The following RAB7A variants were observed in gnomAD, a reference collection of about 807,000 sequenced individuals.
RAB7A encodes ras-related protein Rab-7a.
RAB7A carries 2 observed loss-of-function variants against 24.5 expected under a neutral mutation model. That is an observed-to-expected ratio of 0.08 (90% CI 0.03 to 0.26). RAB7A has a LOEUF of 0.26. RAB7A is among the 10% of genes least tolerant of loss of function. RAB7A has a pLI of 1.00. For synonymous variants in RAB7A, 100 were observed against 95.9 expected (o/e 1.04, Z -0.25); for missense variants, 118 against 255.7 (o/e 0.46, Z 3.67).
chr3:128,762,381 T>C (rs964654088), intron 1 of RAB7A, among the ~76,000 whole-genome samples: 4 of 152,234 alleles, frequency 2.6e-5, no homozygotes, highest in Non-Finnish European at 5.9e-5. Flanking sequence ...GTTTAAGCTC[T>C]CTTCTCCCAA....
At chr3:128,751,558 C>T (rs1404558079) in intron 1 of RAB7A, among the ~76,000 whole-genome samples, 2 of 152,190 alleles carry the variant, frequency 1.3e-5, no homozygotes, top group African/African-American at 4.8e-5. Flanking sequence ...TTACCCAATG[C>T]CTTTACCTCC....
chr3:128,765,247 A>G lies in RAB7A; in HGVS notation c.-8-30113A>G, dbSNP rs111615214. Reference sequence around the variant, plus strand: ...TACCCACAACTTTCTCACTGTGCCAAAATCAGTGCCTGTCCAGTACCCTCG... The same window carrying G: ...TACCCACAACTTTCTCACTGTGCCAGAATCAGTGCCTGTCCAGTACCCTCG... On this transcript the variant is annotated intron_variant, in intron 1 of 5. Coordinates refer to ENST00000265062, the MANE Select transcript of RAB7A (RefSeq NM_004637.6). Among the ~76,000 whole-genome samples, 446 of 152,216 alleles carry G rather than the reference A, an allele frequency of 2.9e-3. 3 individuals are homozygous for G. The highest frequency in any genetic ancestry group is 1.0e-2 in the South Asian group (48 of 4,824).
intron 1 of RAB7A, among the ~76,000 whole-genome samples, chr3:128,766,786 C>T (rs1199131006): frequency 1.3e-5 from 2 of 152,064 alleles, no homozygotes; most frequent in African/African-American, 4.8e-5. Context: ...GCAATCCACC[C>T]ACCTCAGCCT....
At chr3:128,734,251 G>A (rs868190297) in intron 1 of RAB7A, among the ~76,000 whole-genome samples, 3 of 152,006 alleles carry the variant, frequency 2.0e-5, no homozygotes, top group East Asian at 1.9e-4. Context: ...CCAACATAGC[G>A]AAACCCTGTG....
chr3:128,800,453 G>T (rs1367324506), intron 3 of RAB7A, among the ~76,000 whole-genome samples: 1 of 152,156 alleles, frequency 6.6e-6, no homozygotes, highest in Non-Finnish European at 1.5e-5. Flanking sequence ...AGTCCCGTCT[G>T]TACTACTAAG....
At chr3:128,791,946 T>G (rs1933462688) in intron 1 of RAB7A, among the ~76,000 whole-genome samples, 1 of 152,202 alleles carries the variant, frequency 6.6e-6, no homozygotes, top group Non-Finnish European at 1.5e-5. Flanking sequence ...TGGCCTGTGA[T>G]AATCTTACGA....
chr3:128,812,545 G>T (rs1933949580), intron 5 of RAB7A, among the ~76,000 whole-genome samples: 1 of 152,134 alleles, frequency 6.6e-6, no homozygotes, highest in Admixed American at 6.5e-5. Context: ...CCAAATTCTA[G>T]AACAGTCACT....
At chr3:128,743,324 G>A (rs564707555) in intron 1 of RAB7A, among the ~76,000 whole-genome samples, 9 of 152,342 alleles carry the variant, frequency 5.9e-5, no homozygotes, top group Admixed American at 4.6e-4. Flanking sequence ...CTCCCTGCAA[G>A]CAGAGGGAGC....
rs1368202327 is a variant in RAB7A, at chr3:128,814,750, C to T, written c.*1328C>T. 6.6e-6 allele frequency: 1 copy of T among 152,646 alleles called. No homozygotes were observed. Among genetic ancestry groups the T allele is most frequent in the Non-Finnish European group, 1.5e-5 (1 of 68,054 alleles). The allele number at this position is 152,646 out of a possible 1,614,324, so 9.5% of individuals were successfully genotyped here. ...ATTCTAGGGTGTGGGCTGAGTTCTTCTGTAAAGAGATGAACGCAATGCCAA... is the reference window on the plus strand; with the variant it reads ...ATTCTAGGGTGTGGGCTGAGTTCTTTTGTAAAGAGATGAACGCAATGCCAA... On this transcript the variant is annotated 3_prime_UTR_variant, in exon 6 of 6. Coordinates refer to ENST00000265062, the MANE Select transcript of RAB7A (RefSeq NM_004637.6).
At position 128,783,529 on chromosome 3, in the gene RAB7A, G is replaced by A. The variant is rs116912037; in HGVS notation, c.-8-11831G>A. ...GCCGTGTGGTGGCTGGGAACGAGGT[G>A]TATTCTGGAGAAGGACTGTAAGGGT... is the stretch of plus-strand genomic sequence containing the variant. On this transcript the variant is annotated intron_variant, in intron 1 of 5. Transcript: ENST00000265062. 3.4e-4 allele frequency among the ~76,000 whole-genome samples: 51 copies of A among 152,202 alleles called. 1 individual carries two copies. In the East Asian group the frequency reaches 8.3e-3, roughly 25 times the overall value.
At chr3:128,787,785 A>C (rs774390400) in intron 1 of RAB7A, among the ~76,000 whole-genome samples, 7 of 152,224 alleles carry the variant, frequency 4.6e-5, no homozygotes, top group Admixed American at 3.3e-4. Flanking sequence ...ATCATAGCTC[A>C]CTGGAGCCTT....
chr3:128,808,663 TA>T (rs1933854900), intron 5 of RAB7A, among the ~76,000 whole-genome samples: 1 of 152,164 alleles, frequency 6.6e-6, no homozygotes, highest in African/African-American at 2.4e-5. Flanking sequence ...ACAGCTCTGT[TA>T]GGGGCAGTGG....
chr3:128,737,825 GTTTTTTTTTTTTTTTTT>G (rs56027163), intron 1 of RAB7A, among the ~76,000 whole-genome samples: 844 of 59,522 alleles, frequency 0.014, 14 homozygotes, highest in Non-Finnish European at 0.02. Flanking sequence ...TTTTTTTGTA[GTTTTTTTTTTTTTTTTT>G]TTTTTTTTTT....
intron 1 of RAB7A, among the ~76,000 whole-genome samples, chr3:128,758,746 A>G (rs1424850479): frequency 1.3e-5 from 2 of 152,172 alleles, no homozygotes; most frequent in Non-Finnish European, 2.9e-5. Flanking sequence ...GAGTATATCA[A>G]TGATATTCTG....
chr3:128,792,367 A>C (rs148877885), intron 1 of RAB7A, among the ~76,000 whole-genome samples: 2 of 152,228 alleles, frequency 1.3e-5, no homozygotes, highest in African/African-American at 4.8e-5. Context: ...ATATTCTCCA[A>C]ATATCTTTGC....
chr3:128,749,869 C>T (rs2070659007), intron 1 of RAB7A, among the ~76,000 whole-genome samples: 1 of 152,166 alleles, frequency 6.6e-6, no homozygotes, highest in African/African-American at 2.4e-5. Context: ...TCTTTATCAG[C>T]AGCATGAAAA....
intron 1 of RAB7A, among the ~76,000 whole-genome samples, chr3:128,740,740 TAA>T (rs759890070): frequency 3.7e-5 from 5 of 135,534 alleles, no homozygotes; most frequent in Non-Finnish European, 3.2e-5. Flanking sequence ...TACAAAAAGT[TAA>T]AAAAAAAAAA....
chr3:128,784,305 G>A (rs373103938), intron 1 of RAB7A, among the ~76,000 whole-genome samples: 1 of 152,092 alleles, frequency 6.6e-6, no homozygotes, highest in East Asian at 1.9e-4. Context: ...ATAAACACAG[G>A]TGACTTCCTT....
intron 1 of RAB7A, among the ~76,000 whole-genome samples, chr3:128,739,086 T>C (rs941412167): frequency 5.9e-5 from 9 of 152,242 alleles, no homozygotes; most frequent in African/African-American, 1.9e-4. Context: ...TCAGAAACTT[T>C]AAGGACCCTG....
Sources: gnomAD v4.1 joint callset for allele counts (sites outside exome capture counted in the v4.1 genomes callset) on GRCh38, gnomAD v4.1.1 for gene constraint, MANE v1.5 for transcripts, NCBI Gene and HGNC (gene_info 2026-07-23, HGNC 2026-07-21) for gene names.